The following WDR72 variants were observed in gnomAD, a reference collection of about 807,000 sequenced individuals.
WDR72 encodes the protein WD repeat domain 72, also known as WD repeat-containing protein 72.
A neutral mutation model predicts 124.2 loss-of-function variants in WDR72; 120 were observed. The ratio of observed to expected loss-of-function variants is 0.97; its 90% confidence interval spans 0.83 to 1.12. WDR72 has a LOEUF of 1.12. Among genes scored for constraint, WDR72 ranks in the 50% most tolerant of loss-of-function variants. The probability of loss-of-function intolerance (pLI) is 0.00; values close to 1 mark genes in which losing one functional copy is unlikely to be tolerated. For missense variants in WDR72, 1,387 were observed against 1,278.8 expected (o/e 1.08, Z -1.29); for synonymous variants, 452 against 441.7 (o/e 1.02, Z -0.29).
chr15:53,520,555 C>G (rs1891734651), intron 19 of WDR72, among the ~76,000 whole-genome samples: 1 of 152,056 alleles, frequency 6.6e-6, no homozygotes, highest in Non-Finnish European at 1.5e-5. Context: ...TACTGAAGCA[C>G]CTCTTCTGGT....
At chr15:53,637,489 T>C (rs1003937890) in intron 14 of WDR72, among the ~76,000 whole-genome samples, 2 of 152,196 alleles carry the variant, frequency 1.3e-5, no homozygotes, top group Non-Finnish European at 2.9e-5. Flanking sequence ...AGATTCTCAA[T>C]AGCTCCCAAG....
At chr15:53,757,919 T>G (rs1355863345) in intron 1 of WDR72, among the ~76,000 whole-genome samples, 14 of 152,164 alleles carry the variant, frequency 9.2e-5, no homozygotes, top group Non-Finnish European at 2.9e-5. Flanking sequence ...ATTCAGTTCA[T>G]TGGGTAGAGA....
chr15:53,617,908 G>C (rs1342323742), intron 14 of WDR72, among the ~76,000 whole-genome samples: 1 of 151,926 alleles, frequency 6.6e-6, no homozygotes, highest in Non-Finnish European at 1.5e-5. Flanking sequence ...GCTACCTTTT[G>C]AGGACTGGGA....
At chr15:53,659,279 T>C (rs78432742) in intron 14 of WDR72, among the ~76,000 whole-genome samples, 2,015 of 152,308 alleles carry the variant, frequency 0.013, 33 homozygotes, top group East Asian at 0.069. Flanking sequence ...ACAACATTAA[T>C]ATGGATCCGG....
At chr15:53,527,219 G>A (rs1892170606) in intron 18 of WDR72, among the ~76,000 whole-genome samples, 1 of 152,068 alleles carries the variant, frequency 6.6e-6, no homozygotes, top group Non-Finnish European at 1.5e-5. Context: ...GTTAAAATTA[G>A]AAAAGTGGTA....
rs779806903 is a variant in WDR72, at chr15:53,706,337, T to C, written c.955-263A>G. Among the ~76,000 whole-genome samples the C allele has an allele frequency of 3.0e-3, 134 of 45,050 alleles. 1 individual carries two copies. Among genetic ancestry groups the C allele is most frequent in the East Asian group, 0.029 (34 of 1,158 alleles). 29.6% of individuals were successfully genotyped at this position (45,050 alleles called of 152,430 possible). A position where few individuals can be genotyped will look rare whatever the true frequency, so the allele number is the denominator to read the frequency against. On this transcript the variant is annotated intron_variant, in intron 9 of 19. Coordinates refer to ENST00000360509, the MANE Select transcript of WDR72 (RefSeq NM_182758.4). The stretch of plus-strand genomic sequence containing the variant: ...ACTGACCATGTTATATGTGCGTGTG[T>C]GTGTGTGTGTGTGTATATATATATA...
At chr15:53,700,068 T>C (rs1022500855) in intron 12 of WDR72, 123 bp from the exon 13 acceptor site, 3 of 1,106,460 alleles carry the variant, frequency 2.7e-6, no homozygotes, top group African/African-American at 3.1e-5. Context: ...AAAAATGATA[T>C]TTCTGCTTTC....
intron 18 of WDR72, among the ~76,000 whole-genome samples, chr15:53,535,666 T>C (rs1892723712): frequency 1.3e-5 from 2 of 152,182 alleles, no homozygotes; most frequent in Admixed American, 1.3e-4. Context: ...GCATTTGGTA[T>C]AGCTAGAGTA....
chr15:53,682,774 C>A (rs2016441872), intron 13 of WDR72, among the ~76,000 whole-genome samples: 1 of 152,150 alleles, frequency 6.6e-6, no homozygotes. Flanking sequence ...GTTCCAACCT[C>A]CGCTTGTTAT....
At chr15:53,601,695 T>C (rs757089513) in intron 17 of WDR72, among the ~76,000 whole-genome samples, 16 of 152,168 alleles carry the variant, frequency 1.1e-4, no homozygotes, top group Admixed American at 7.2e-4. Context: ...GCAATCCTAG[T>C]TTCTGACAAA....
intron 13 of WDR72, among the ~76,000 whole-genome samples, chr15:53,678,640 A>G (rs1375482638): frequency 6.6e-6 from 1 of 152,122 alleles, no homozygotes; most frequent in East Asian, 1.9e-4. Flanking sequence ...CCTTTGTCCT[A>G]CCCAATTCTG....
At chr15:53,546,528 A>C (rs866681330) in intron 18 of WDR72, among the ~76,000 whole-genome samples, 3 of 147,298 alleles carry the variant, frequency 2.0e-5, no homozygotes, top group African/African-American at 7.6e-5. Context: ...GTGGGGGGAG[A>C]GGGGAGGGAT....
At chr15:53,537,056 T>A (rs1017823927) in intron 18 of WDR72, among the ~76,000 whole-genome samples, 1 of 152,222 alleles carries the variant, frequency 6.6e-6, no homozygotes, top group African/African-American at 2.4e-5. Flanking sequence ...AATTGCGGGT[T>A]ACACAGCTCC....
chr15:53,572,848 A>G (rs1248789632), intron 18 of WDR72, among the ~76,000 whole-genome samples: 5 of 152,230 alleles, frequency 3.3e-5, no homozygotes, highest in Non-Finnish European at 5.9e-5. Context: ...AGCATTCAGT[A>G]GCAATTAGAG....
chr15:53,747,830 G>C (rs1437890158), intron 1 of WDR72, among the ~76,000 whole-genome samples: 4 of 152,104 alleles, frequency 2.6e-5, no homozygotes, highest in African/African-American at 9.7e-5. Context: ...AATTCTTTCT[G>C]GGTAGTAACC....
intron 5 of WDR72, 55 bp downstream of exon 5, chr15:53,715,138 A>G: frequency 1.3e-6 from 2 of 1,573,280 alleles, no homozygotes; most frequent in Non-Finnish European, 8.7e-7. Context: ...AATAATTCAA[A>G]AGTAGATATT....
chr15:53,674,941 A>G (rs978823873), intron 13 of WDR72, among the ~76,000 whole-genome samples: 8 of 152,130 alleles, frequency 5.3e-5, no homozygotes, highest in Non-Finnish European at 1.2e-4. Context: ...GGGACAATTG[A>G]AAGAAAAAAA....
intron 5 of WDR72, 79 bp from the exon 6 acceptor site, chr15:53,714,589 A>G: frequency 9.1e-7 from 1 of 1,095,740 alleles, no homozygotes. Flanking sequence ...CAGTCATTTA[A>G]GAATTACGCA....
rs138555114 is a variant in WDR72 at position 53,615,907 on chromosome 15, T to A, written c.2299A>T (p.Lys767Ter). Residue 767 changes from lysine to a stop codon, truncating the protein, a stop_gained, in exon 15 of 20, where the codon AAA becomes TAA. Coordinates refer to ENST00000360509, the MANE Select transcript of WDR72 (RefSeq NM_182758.4). LOFTEE classifies it high-confidence loss of function. Reference protein sequence around the residue: ...IKFSEENDGIKRQKKMKISKK... With the variant: ...IKFSEENDGI ...GAGATCTTCATTTTCTTCTGCCTTT[T>A]AATGCCATCATTTTCTTCTGAGAAT... 6.2e-7 allele frequency: 1 copy of A among 1,613,506 alleles called. No homozygotes were observed. The highest frequency in any genetic ancestry group is 1.3e-5 in the African/African-American group (1 of 74,904).
Sources: gnomAD v4.1 joint callset for allele counts (sites outside exome capture counted in the v4.1 genomes callset) on GRCh38, gnomAD v4.1.1 for gene constraint, MANE v1.5 for transcripts, NCBI Gene and HGNC (gene_info 2026-07-23, HGNC 2026-07-21) for gene names.